Variants in ZSCAN30 observed in about 807,000 individuals in gnomAD.
The protein encoded by ZSCAN30 is zinc finger and SCAN domain containing 30.
In ZSCAN30, 37 loss-of-function variants were observed where a neutral mutation model predicts 44.3. The observed-to-expected ratio is 0.84, with a 90% CI of 0.64 to 1.10. The LOEUF is 1.10. Among genes scored for constraint, ZSCAN30 ranks in the 50% least tolerant of loss-of-function variants. The pLI, the probability that ZSCAN30 is intolerant of heterozygous loss-of-function variation, is 0.00. For missense variants in ZSCAN30, 549 were observed against 582.6 expected (o/e 0.94, Z 0.59); for synonymous variants, 181 against 204.6 (o/e 0.88, Z 0.98).
rs2044095777 is a variant in ZSCAN30 at position 35,264,122 on chromosome 18, C to T, written c.231G>A (p.Leu77=). The T allele has an allele frequency of 2.5e-6, 4 of 1,614,128 alleles. No homozygotes were observed. The highest frequency in any genetic ancestry group is 8.5e-7 in the Non-Finnish European group (1 of 1,179,972). ...GCTCCTTGGAGTGCACCTCCGGCCTCAACCACTGACAGCAAAGCTCTCGCA... is the reference window on the plus strand; with the variant it reads ...GCTCCTTGGAGTGCACCTCCGGCCTTAACCACTGACAGCAAAGCTCTCGCA... ...SRLRELCCQW[L]RPEVHSKEQI... The change falls in exon 2 of 4, where the codon TTG becomes TTA. Residue 77 remains leucine (L), a synonymous_variant. Transcript: ENST00000333206.
intron 3 of ZSCAN30, chr18:35,256,182 G>A (rs1430214401): frequency 6.6e-6 from 1 of 152,366 alleles, no homozygotes; most frequent in African/African-American, 2.4e-5. Flanking sequence ...ATTTTTATTT[G>A]TTCAACTATA....
chr18:35,277,193 T>C (rs2044381524), intron 1 of ZSCAN30, among the ~76,000 whole-genome samples: 1 of 152,226 alleles, frequency 6.6e-6, no homozygotes, highest in African/African-American at 2.4e-5. Flanking sequence ...AGTAACTAAC[T>C]TACTTTTGAT....
chr18:35,263,655 G>A lies in ZSCAN30; in HGVS notation c.411C>T (p.Asp137=). 6.2e-7 allele frequency: 1 copy of A among 1,614,086 alleles called. No homozygotes were observed. The highest frequency in any genetic ancestry group is 8.5e-7 in the Non-Finnish European group (1 of 1,180,004). Residue 137 remains aspartate (D), a splice_region_variant and synonymous_variant, in exon 3 of 4, where the codon GAC becomes GAT. Coordinates refer to ENST00000333206, the MANE Select transcript of ZSCAN30 (RefSeq NM_001112734.4). ...EKELEEPRQQ[D]TTHGQEMFWQ... is the part of the protein sequence containing the mutation. ...AGAACATTTCTTGGCCATGAGTTGT[G>A]TCCTAGGAGTAATCAAGTACCAGCA...
At chr18:35,288,170 G>A (rs1753448616) in intron 1 of ZSCAN30, among the ~76,000 whole-genome samples, 1 of 152,094 alleles carries the variant, frequency 6.6e-6, no homozygotes, top group Non-Finnish European at 1.5e-5. Context: ...CATGGCACCT[G>A]GCCACAAAGC....
In ZSCAN30 at chr18:35,272,801, C is replaced by T. The variant is rs531253884; in HGVS notation, c.-103-8346G>A. Among the ~76,000 whole-genome samples the T allele has an allele frequency of 2.4e-4, 37 of 152,212 alleles. 1 individual carries two copies. The highest frequency in any genetic ancestry group is 4.7e-4 in the Non-Finnish European group (32 of 68,040). ...TACCAAAGAAAGAGATTTAACTGGACTTACAGTTACACGTAGCTGGGGAGG... is the reference window on the plus strand; with the variant it reads ...TACCAAAGAAAGAGATTTAACTGGATTTACAGTTACACGTAGCTGGGGAGG... On this transcript the variant is annotated intron_variant, in intron 1 of 3. Transcript: ENST00000333206.
intron 1 of ZSCAN30, among the ~76,000 whole-genome samples, chr18:35,276,679 A>G (rs1598646966): frequency 2.6e-5 from 4 of 152,368 alleles, no homozygotes. Context: ...TTCAGAGGAT[A>G]TATGAAATGC....
intron 1 of ZSCAN30, chr18:35,281,413 C>T (rs1292768927): frequency 1.3e-5 from 2 of 152,178 alleles, no homozygotes; most frequent in Non-Finnish European, 2.9e-5. Context: ...TCTCTGGCAA[C>T]ACTCCACAAA....
At chr18:35,270,506 A>G (rs753568799) in intron 1 of ZSCAN30, among the ~76,000 whole-genome samples, 13 of 152,218 alleles carry the variant, frequency 8.5e-5, no homozygotes, top group Non-Finnish European at 1.5e-4. Flanking sequence ...ACTTTTAAAC[A>G]TATTCCTTGA....
chr18:35,265,486 A>G (rs2044130423), intron 1 of ZSCAN30, among the ~76,000 whole-genome samples: 1 of 152,138 alleles, frequency 6.6e-6, no homozygotes, highest in Non-Finnish European at 1.5e-5. Context: ...CCAGGCTGCA[A>G]CTCTACAGTA....
intron 1 of ZSCAN30, among the ~76,000 whole-genome samples, chr18:35,277,459 A>G (rs1598648160): frequency 2.6e-5 from 4 of 152,242 alleles, no homozygotes. Flanking sequence ...GTGGGAGGTA[A>G]TTGAATCATG....
chr18:35,273,372 T>C (rs1437915237), intron 1 of ZSCAN30, among the ~76,000 whole-genome samples: 1 of 152,246 alleles, frequency 6.6e-6, no homozygotes, highest in African/African-American at 2.4e-5. Flanking sequence ...ATATGTCAGA[T>C]TTTCCTTTCT....
intron 3 of ZSCAN30, chr18:35,263,016 C>G (rs906768792): frequency 3.4e-5 from 6 of 179,100 alleles, no homozygotes; most frequent in Admixed American, 1.7e-4. Flanking sequence ...ATGTATTCAT[C>G]TCCATCTTAG....
At position 35,252,829 on chromosome 18, in the gene ZSCAN30, A is replaced by G. The variant is rs1223803182; in HGVS notation, c.*621T>C. 1 of 152,788 alleles carries G rather than the reference A, an allele frequency of 6.5e-6. No individual in the cohort carries two copies. Among genetic ancestry groups the G allele is most frequent in the African/African-American group, 2.4e-5 (1 of 41,440 alleles). The allele number at this position is 152,788 out of a possible 1,614,324, so 9.5% of individuals were successfully genotyped here. ...AGGTCTACCTCAATGCCTAGCACATAGCAGGTGCTCAATAAACTAGTAGAC... is the reference window on the plus strand; with the variant it reads ...AGGTCTACCTCAATGCCTAGCACATGGCAGGTGCTCAATAAACTAGTAGAC... On this transcript the variant is annotated 3_prime_UTR_variant, in exon 4 of 4. Transcript: ENST00000333206.
chr18:35,266,967 TC>T (rs2044166713), intron 1 of ZSCAN30: 1 of 151,374 alleles, frequency 6.6e-6, no homozygotes, highest in Non-Finnish European at 1.5e-5. Context: ...TGCAGGGCCT[TC>T]TCTTAATTTT....
intron 1 of ZSCAN30, 68 bp from the exon 2 acceptor site, chr18:35,264,523 G>A (rs1350858961): frequency 1.4e-6 from 1 of 699,388 alleles, no homozygotes; most frequent in Non-Finnish European, 2.3e-6. Context: ...ACAGGTTTTT[G>A]AAGCCCAGTT....
At position 35,254,137 on chromosome 18, in the gene ZSCAN30, G is replaced by C. The variant is rs781164485; in HGVS notation, c.798C>G (p.Ile266Met). 6.2e-7 allele frequency: 1 copy of C among 1,614,134 alleles called. No individual in the cohort carries two copies. The highest frequency in any genetic ancestry group is 1.1e-5 in the South Asian group (1 of 91,088). Reference sequence around the variant, plus strand: ...ATTCAAGGACACTGTGTTCTGTGGGGATTCTTCTGTTGAAGGTTGCCAGAC... The same window carrying C: ...ATTCAAGGACACTGTGTTCTGTGGGCATTCTTCTGTTGAAGGTTGCCAGAC... The part of the protein sequence containing the change: ...HFSLATFNRR[I>M]PTEHSVLESH... The change falls in exon 4 of 4, where the codon ATC becomes ATG. Residue 266 changes from isoleucine (I) to methionine (M), a missense_variant. Coordinates refer to ENST00000333206, the MANE Select transcript of ZSCAN30 (RefSeq NM_001112734.4).
At chr18:35,280,230 C>G (rs1569083125) in intron 1 of ZSCAN30, among the ~76,000 whole-genome samples, 1 of 149,732 alleles carries the variant, frequency 6.7e-6, no homozygotes, top group African/African-American at 2.5e-5. Flanking sequence ...GAGCTGTGAT[C>G]ACACCACTGC....
chr18:35,265,465 G>A (rs1341961257), intron 1 of ZSCAN30, among the ~76,000 whole-genome samples: 3 of 152,170 alleles, frequency 2.0e-5, no homozygotes, highest in Admixed American at 6.5e-5. Context: ...TAGCAAAGTC[G>A]AGACATGAAC....
intron 3 of ZSCAN30, chr18:35,260,364 T>C (rs1482489431): frequency 6.6e-6 from 1 of 152,268 alleles, no homozygotes; most frequent in Non-Finnish European, 1.5e-5. Flanking sequence ...TATATTCCTT[T>C]CAGTATATAC....
Sources: gnomAD v4.1 joint callset for allele counts (sites outside exome capture counted in the v4.1 genomes callset) on GRCh38, gnomAD v4.1.1 for gene constraint, MANE v1.5 for transcripts, NCBI Gene and HGNC (gene_info 2026-07-23, HGNC 2026-07-21) for gene names.